The following CLCN5 variants were observed in gnomAD, a reference collection of about 807,000 sequenced individuals.
The protein encoded by CLCN5 is H(+)/Cl(-) exchange transporter 5.
Under a neutral mutation model 54.0 loss-of-function variants are expected in CLCN5, and 17 were observed. That is an observed-to-expected ratio of 0.31 (90% CI 0.22 to 0.47). The LOEUF (loss-of-function observed/expected upper bound fraction) is 0.47. Among genes scored for constraint, CLCN5 ranks in the 20% least tolerant of loss-of-function variants. The pLI is 1.00. For synonymous variants in CLCN5, 222 were observed against 233.0 expected (o/e 0.95, Z 0.43); for missense variants, 448 against 646.7 (o/e 0.69, Z 3.33).
At chrX:50,046,260 G>GCATTCATT (rs1324093656) in intron 4 of CLCN5, among the ~76,000 whole-genome samples, 3 of 112,234 alleles carry the variant, frequency 2.7e-5, no homozygotes, top group Non-Finnish European at 3.8e-5. Context: ...GGTCAGCAGT[G>GCATTCATT]CATTCATTCA....
intron 3 of CLCN5, among the ~76,000 whole-genome samples, chrX:49,933,914 A>T (rs1341716238): frequency 9.0e-6 from 1 of 111,711 alleles, no homozygotes; most frequent in African/African-American, 3.3e-5. Flanking sequence ...AGATTTTTAA[A>T]CTGGAAGGGG....
At chrX:50,040,175 G>A (rs1026088363) in intron 3 of CLCN5, among the ~76,000 whole-genome samples, 3 of 111,774 alleles carry the variant, frequency 2.7e-5, no homozygotes, top group African/African-American at 9.8e-5. Context: ...CCTTTACTGA[G>A]GGAGTCCTCT....
At chrX:49,938,235 T>C (rs1241326235) in intron 3 of CLCN5, among the ~76,000 whole-genome samples, 1 of 111,807 alleles carries the variant, frequency 8.9e-6, no homozygotes, top group Non-Finnish European at 1.9e-5. Flanking sequence ...ATAGATTCAA[T>C]GCCATCCCCA....
chrX:50,003,293 A>T (rs1929976233), intron 3 of CLCN5: 1 of 358,893 alleles, frequency 2.8e-6, no homozygotes, highest in African/African-American at 2.6e-5. Context: ...CACCAAAGGG[A>T]GGTAGACCCT....
At position 50,090,373 on chromosome X, in the gene CLCN5, C is replaced by G; in HGVS notation, c.2002C>G (p.Leu668Val). 8.3e-7 allele frequency: 1 copy of G among 1,211,583 alleles called. No individual in the cohort carries two copies. Among genetic ancestry groups the G allele is most frequent in the Non-Finnish European group, 1.1e-6 (1 of 895,363 alleles). ...PRRNDPLLTV[L>V]TQDSMTVEDV... ...GAGAAATGATCCTTTGTTGACTGTC[C>G]TTACTCAGGACAGTATGACTGTGGA... Residue 668 changes from leucine (L) to valine (V), a missense_variant, in exon 13 of 15, where the codon CTT becomes GTT. Physicochemically the swap from Leu to Val is conservative, Grantham distance 32 (BLOSUM62 1). This residue lies in a region of CLCN5 where 297 missense variants were observed against 470.4 expected (regional missense o/e 0.63). Coordinates refer to ENST00000376091, the MANE Select transcript of CLCN5 (RefSeq NM_001127898.4).
chrX:49,932,985 T>C, intron 3 of CLCN5, among the ~76,000 whole-genome samples: 1 of 111,681 alleles, frequency 9.0e-6, no homozygotes, highest in Non-Finnish European at 1.9e-5. Context: ...GTGGGTGAAT[T>C]GACGAGAAAG....
chrX:49,930,755 G>A (rs935705417), intron 3 of CLCN5, among the ~76,000 whole-genome samples: 5 of 111,534 alleles, frequency 4.5e-5, no homozygotes, highest in Admixed American at 9.5e-5. Flanking sequence ...TGAGATTACC[G>A]TATTTTCCAT....
intron 3 of CLCN5, among the ~76,000 whole-genome samples, chrX:50,033,313 A>C (rs1328375110): frequency 8.9e-6 from 1 of 111,974 alleles, no homozygotes; most frequent in Non-Finnish European, 1.9e-5. Flanking sequence ...AAGCAACTTC[A>C]GCAAAGTCTC....
chrX:50,052,977 G>A (rs1932637955), intron 4 of CLCN5, among the ~76,000 whole-genome samples: 1 of 111,720 alleles, frequency 9.0e-6, no homozygotes, highest in South Asian at 3.7e-4. Flanking sequence ...TTTAAGCTTT[G>A]TGTATTTTGG....
chrX:49,995,527 G>A (rs993610713), intron 3 of CLCN5, among the ~76,000 whole-genome samples: 3 of 111,736 alleles, frequency 2.7e-5, no homozygotes, highest in Non-Finnish European at 5.6e-5. Flanking sequence ...TGCTATGTGA[G>A]CGAGTCATAG....
intron 3 of CLCN5, among the ~76,000 whole-genome samples, chrX:49,959,502 G>A (rs1465632163): frequency 2.7e-5 from 3 of 110,950 alleles, no homozygotes; most frequent in African/African-American, 6.6e-5. Context: ...CCATATATTC[G>A]CAGCCATTTT....
At chrX:50,056,908 GT>G (rs1932758672) in intron 4 of CLCN5, among the ~76,000 whole-genome samples, 1 of 111,849 alleles carries the variant, frequency 8.9e-6, no homozygotes, top group African/African-American at 3.3e-5. Context: ...AGTTCTTGCA[GT>G]TCCATTTCCC....
chrX:50,003,993 C>G (rs1557181021), intron 3 of CLCN5, among the ~76,000 whole-genome samples: 1 of 112,143 alleles, frequency 8.9e-6, no homozygotes, highest in African/African-American at 3.2e-5. Context: ...AATATGCACA[C>G]ACATTTTGGG....
intron 3 of CLCN5, among the ~76,000 whole-genome samples, chrX:49,981,026 A>G (rs1053036176): frequency 9.0e-6 from 1 of 111,597 alleles, no homozygotes; most frequent in African/African-American, 3.2e-5. Context: ...TGCAAAATGT[A>G]CTTTATGTAG....
intron 3 of CLCN5, among the ~76,000 whole-genome samples, chrX:50,007,341 C>T (rs1380803647): frequency 9.2e-6 from 1 of 109,186 alleles, no homozygotes; most frequent in Non-Finnish European, 1.9e-5. Flanking sequence ...TTTGATTATA[C>T]TCACAGGGCC....
At chrX:50,049,774 A>T (rs1932517858) in intron 4 of CLCN5, among the ~76,000 whole-genome samples, 1 of 111,856 alleles carries the variant, frequency 8.9e-6, no homozygotes, top group Admixed American at 9.5e-5. Context: ...GTTTTGACAA[A>T]TATATAGTGT....
chrX:50,016,540 T>C (rs1212864367), intron 3 of CLCN5, among the ~76,000 whole-genome samples: 2 of 109,451 alleles, frequency 1.8e-5, no homozygotes, highest in Admixed American at 9.8e-5. Context: ...AGTATAATTA[T>C]AATGTATTAT....
In CLCN5 at chrX:50,098,552, C is replaced by T. The variant is rs1557196036; in HGVS notation, c.*6333C>T. The stretch of plus-strand genomic sequence containing the variant: ...CAGTAGCCAAAGAAAACCTGTCTGA[C>T]TCGACATTTTAATGCCTGAGAGTTG... On this transcript the variant is annotated 3_prime_UTR_variant, in exon 15 of 15. Transcript: ENST00000376091. The T allele has an allele frequency of 8.8e-6, 1 of 113,091 alleles. No individual in the cohort carries two copies. Among genetic ancestry groups the T allele is most frequent in the Non-Finnish European group, 1.9e-5 (1 of 53,390 alleles). The allele number at this position is 113,091 out of a possible 1,213,427, so 9.3% of individuals were successfully genotyped here.
intron 4 of CLCN5, among the ~76,000 whole-genome samples, chrX:50,047,996 G>A (rs375179632): frequency 7.5e-4 from 84 of 111,722 alleles, no homozygotes; most frequent in Non-Finnish European, 1.4e-3. Flanking sequence ...TGTACTCTTC[G>A]GAAGGAAGTC....
Sources: gnomAD v4.1 joint callset for allele counts (sites outside exome capture counted in the v4.1 genomes callset) on GRCh38, gnomAD v4.1.1 for gene constraint, gnomAD v4.1.1 regional missense constraint, MANE v1.5 for transcripts, NCBI Gene and HGNC (gene_info 2026-07-23, HGNC 2026-07-21) for gene names.